COL11A1: variants seen among roughly 807,000 people sequenced by gnomAD.
The protein encoded by COL11A1 is collagen alpha-1(XI) chain.
Under a neutral mutation model 265.2 loss-of-function variants are expected in COL11A1, and 74 were observed. The ratio of observed to expected loss-of-function variants is 0.28; its 90% CI spans 0.23 to 0.34. The LOEUF (loss-of-function observed/expected upper bound fraction) is 0.34. Among genes scored for constraint, COL11A1 ranks in the 10% least tolerant of loss-of-function variants. The pLI is 1.00. For synonymous variants in COL11A1, 816 were observed against 727.6 expected (o/e 1.12, Z -1.96); for missense variants, 2,165 against 2,263.6 (o/e 0.96, Z 0.88).
intron 24 of COL11A1, 160 bp downstream of exon 24, chr1:103,001,765 A>T (rs1665127745): frequency 1.5e-6 from 1 of 665,180 alleles, no homozygotes; most frequent in African/African-American, 1.8e-5. Context: ...CATGAATGAA[A>T]TCTCCCCACA....
chr1:103,108,031 C>T (rs770635951), intron 1 of COL11A1, 42 bp downstream of exon 1: 2 of 1,467,774 alleles, frequency 1.4e-6, no homozygotes, highest in East Asian at 2.3e-5. Context: ...AGCAGTAGGA[C>T]CGACGGCAAT....
At chr1:102,917,907 A>T (rs1214787784) in intron 49 of COL11A1, among the ~76,000 whole-genome samples, 1 of 151,688 alleles carries the variant, frequency 6.6e-6, no homozygotes, top group Non-Finnish European at 1.5e-5. Flanking sequence ...TCCAAAATAT[A>T]TGAAAACTAC....
At chr1:103,054,161 T>C (rs1243284519) in intron 4 of COL11A1, among the ~76,000 whole-genome samples, 4 of 152,232 alleles carry the variant, frequency 2.6e-5, no homozygotes, top group Non-Finnish European at 5.9e-5. Context: ...GTTAAAATTG[T>C]ACATTAATTT....
chr1:102,919,059 T>C (rs143671723), intron 49 of COL11A1, among the ~76,000 whole-genome samples: 270 of 152,132 alleles, frequency 1.8e-3, no homozygotes, highest in African/African-American at 5.7e-3. Context: ...TCTAATCTGA[T>C]GATATCCTCA....
At chr1:102,925,716 A>G (rs1261834902) in intron 46 of COL11A1, among the ~76,000 whole-genome samples, 1 of 152,124 alleles carries the variant, frequency 6.6e-6, no homozygotes, top group Non-Finnish European at 1.5e-5. Context: ...TCAATTTCAG[A>G]AATTCAAAAT....
At position 103,022,924 on chromosome 1, in the gene COL11A1, A is replaced by C. The variant is rs141036911; in HGVS notation, c.1063T>G (p.Ser355Ala). 4.3e-6 allele frequency: 7 copies of C among 1,613,592 alleles called. No individual in the cohort carries two copies. In the African/African-American group the frequency reaches 9.3e-5, roughly 22 times the overall value. Residue 355 changes from serine (S) to alanine (A), a missense_variant, in exon 8 of 67, where the codon TCT becomes GCT. By Grantham distance (99) the Ser-to-Ala change is moderately conservative. Transcript: ENST00000370096. The part of the protein sequence containing the change: ...GEDYDSQRKN[S>A]EDTLYENKEI... ...TTGTTTTCATATAGTGTATCCTCAG[A>C]ATTTTTCCTCTGGGAATCATAATCC...
chr1:102,949,416 T>C (rs1266720988), intron 41 of COL11A1, among the ~76,000 whole-genome samples: 1 of 150,276 alleles, frequency 6.7e-6, no homozygotes, highest in Non-Finnish European at 1.5e-5. Flanking sequence ...GGCCATAAAA[T>C]TTTTCTCTCT....
At chr1:103,047,541 A>C (rs1448951866) in intron 4 of COL11A1, among the ~76,000 whole-genome samples, 1 of 152,202 alleles carries the variant, frequency 6.6e-6, no homozygotes, top group Non-Finnish European at 1.5e-5. Context: ...CAATCATGTC[A>C]TCTGCAAACA....
chr1:103,066,436 C>T (rs891108866), intron 4 of COL11A1, among the ~76,000 whole-genome samples: 1 of 150,820 alleles, frequency 6.6e-6, no homozygotes, highest in African/African-American at 2.4e-5. Context: ...TATATCATAA[C>T]ATTTTGGTAC....
intron 4 of COL11A1, among the ~76,000 whole-genome samples, chr1:103,039,608 C>T (rs537088974): frequency 7.9e-5 from 12 of 151,378 alleles, no homozygotes; most frequent in Non-Finnish European, 1.3e-4. Context: ...AAGAAAACGA[C>T]TCTGTCAACA....
Position 103,014,570 on chromosome 1 carries a change from T to G in COL11A1, c.1513A>C (p.Lys505Gln). 1 of 1,613,730 alleles carries G rather than the reference T, an allele frequency of 6.2e-7. No homozygotes were observed. Among genetic ancestry groups the G allele is most frequent in the Non-Finnish European group, 8.5e-7 (1 of 1,179,722 alleles). The change falls in exon 13 of 67, where the codon AAA becomes CAA. Residue 505 changes from lysine to glutamine, a missense_variant. Transcript: ENST00000370096. The stretch of plus-strand genomic sequence containing the variant: ...TCCTGAGCAGAGATGGTTGGTCCTT[T>G]GGAACCATCACCACCATAACGGAAC... ...LPFRYGGDGS[K>Q]GPTISAQEAQ...
chr1:103,084,093 T>C (rs1405673907), intron 1 of COL11A1, among the ~76,000 whole-genome samples: 1 of 152,184 alleles, frequency 6.6e-6, no homozygotes, highest in Non-Finnish European at 1.5e-5. Context: ...TTGTGATCAA[T>C]ACATATAACA....
chr1:103,067,279 G>C (rs1204368751), intron 4 of COL11A1, among the ~76,000 whole-genome samples: 1 of 151,808 alleles, frequency 6.6e-6, no homozygotes, highest in Non-Finnish European at 1.5e-5. Context: ...AATGGATTGA[G>C]ATCATACCAA....
At chr1:102,979,954 C>T (rs1026776988) in intron 31 of COL11A1, among the ~76,000 whole-genome samples, 4 of 151,976 alleles carry the variant, frequency 2.6e-5, no homozygotes, top group South Asian at 2.1e-4. Context: ...TCCACTTTTT[C>T]GATTTGGTAT....
intron 1 of COL11A1, among the ~76,000 whole-genome samples, chr1:103,096,070 A>T (rs1673735097): frequency 6.6e-6 from 1 of 151,946 alleles, no homozygotes; most frequent in South Asian, 2.1e-4. Context: ...GTTAGGGGAG[A>T]AGGATGACTT....
intron 25 of COL11A1, 39 bp from the exon 26 acceptor site, chr1:102,997,163 T>G (rs748148046): frequency 3.4e-6 from 5 of 1,489,156 alleles, no homozygotes; most frequent in Middle Eastern, 3.4e-4. Flanking sequence ...AGATGTAATA[T>G]AAACATAGTT....
chr1:102,931,476 C>G (rs1226017816), intron 46 of COL11A1, among the ~76,000 whole-genome samples: 1 of 152,028 alleles, frequency 6.6e-6, no homozygotes, highest in African/African-American at 2.4e-5. Flanking sequence ...TATAATCTCT[C>G]TTCTTATACA....
chr1:103,011,644 T>C (rs970070487), intron 14 of COL11A1, among the ~76,000 whole-genome samples: 31 of 152,042 alleles, frequency 2.0e-4, no homozygotes, highest in African/African-American at 6.8e-4. Flanking sequence ...GTGTCTACTA[T>C]GTACAATACA....
chr1:102,910,850 T>A (rs1025404395), intron 54 of COL11A1, among the ~76,000 whole-genome samples: 1 of 152,050 alleles, frequency 6.6e-6, no homozygotes, highest in Non-Finnish European at 1.5e-5. Context: ...CCACATTATA[T>A]AGCATCCCAC....
Sources: allele counts gnomAD v4.1 joint callset (sites outside exome capture counted in the v4.1 genomes callset), GRCh38; gene constraint gnomAD v4.1.1; transcripts MANE v1.5; gene names NCBI Gene and HGNC (gene_info 2026-07-23, HGNC 2026-07-21).